The following EPB41L1 variants were observed in gnomAD, a reference collection of about 807,000 sequenced individuals.
The protein encoded by EPB41L1 is band 4.1-like protein 1.
EPB41L1 carries 29 observed loss-of-function variants against 97.8 expected under a neutral mutation model. The observed-to-expected ratio is 0.30, with a 90% confidence interval of 0.22 to 0.40. The LOEUF is 0.40. EPB41L1 is among the 10% of genes least tolerant of loss of function. The pLI, the probability that EPB41L1 is intolerant of heterozygous loss-of-function variation, is 1.00. For missense variants in EPB41L1, 812 were observed against 1,162.3 expected (o/e 0.70, Z 4.38); for synonymous variants, 383 against 459.2 (o/e 0.83, Z 2.12).
At chr20:36,126,983 TA>T (rs2058994660) in intron 2 of EPB41L1, among the ~76,000 whole-genome samples, 1 of 152,210 alleles carries the variant, frequency 6.6e-6, no homozygotes, top group Non-Finnish European at 1.5e-5. Flanking sequence ...GAGAGGAGGA[TA>T]GGGGTGATGA....
intron 2 of EPB41L1, among the ~76,000 whole-genome samples, chr20:36,114,905 G>A (rs1044302686): frequency 1.3e-5 from 2 of 152,098 alleles, no homozygotes; most frequent in African/African-American, 4.8e-5. Context: ...ACCAGACACC[G>A]GGGGAGTAGA....
intron 1 of EPB41L1, chr20:36,110,688 C>T (rs1358502919): frequency 1.3e-5 from 2 of 152,332 alleles, no homozygotes; most frequent in Middle Eastern, 6.8e-3. Context: ...GCATTTGTCC[C>T]TATTCCAGGT....
At chr20:36,102,971 T>C (rs993247326) in intron 1 of EPB41L1, among the ~76,000 whole-genome samples, 3 of 152,078 alleles carry the variant, frequency 2.0e-5, no homozygotes, top group African/African-American at 7.2e-5. Flanking sequence ...CTCCCTCTGT[T>C]CCTCCCTGCC....
intron 21 of EPB41L1, among the ~76,000 whole-genome samples, chr20:36,227,530 G>T (rs1229465306): frequency 6.6e-6 from 1 of 152,110 alleles, no homozygotes; most frequent in South Asian, 2.1e-4. Context: ...CTACAGAAGG[G>T]GCTCAGCAAG....
chr20:36,129,316 G>A (rs1034919643), intron 2 of EPB41L1, among the ~76,000 whole-genome samples: 2 of 152,124 alleles, frequency 1.3e-5, no homozygotes, highest in African/African-American at 2.4e-5. Flanking sequence ...GCTGGACTGC[G>A]GGGTGAATGG....
At chr20:36,153,032 G>A (rs1229619459), upstream of EPB41L1, 1 of 456,754 alleles carries the variant, frequency 2.2e-6, no homozygotes, top group Non-Finnish European at 4.4e-6. Flanking sequence ...TTCATCCGCT[G>A]CTGAACCTGG....
At chr20:36,123,852 A>G (rs2058851227) in intron 2 of EPB41L1, among the ~76,000 whole-genome samples, 1 of 152,272 alleles carries the variant, frequency 6.6e-6, no homozygotes, top group South Asian at 2.1e-4. Context: ...ACATTCAGTG[A>G]GCACCTATGT....
At chr20:36,101,441 G>C (rs1401934708) in intron 1 of EPB41L1, among the ~76,000 whole-genome samples, 1 of 152,062 alleles carries the variant, frequency 6.6e-6, no homozygotes. Flanking sequence ...CCATTATGTT[G>C]GTCAGCCTGG....
chr20:36,155,169 C>G, intron 1 of EPB41L1: 1 of 457,182 alleles, frequency 2.2e-6, no homozygotes, highest in Non-Finnish European at 4.4e-6. Flanking sequence ...TGGGCTCCCA[C>G]CGGCTGGCCC....
At chr20:36,120,175 TGA>T (rs2058708252) in intron 2 of EPB41L1, among the ~76,000 whole-genome samples, 1 of 152,220 alleles carries the variant, frequency 6.6e-6, no homozygotes, top group African/African-American at 2.4e-5. Flanking sequence ...TGGTTATAAG[TGA>T]TTCATTTCTG....
intron 2 of EPB41L1, among the ~76,000 whole-genome samples, chr20:36,114,267 G>C (rs187040769): frequency 1.3e-5 from 2 of 152,298 alleles, no homozygotes; most frequent in Admixed American, 1.3e-4. Context: ...AGCAGAACTT[G>C]TCTGGTTCTG....
intron 1 of EPB41L1, among the ~76,000 whole-genome samples, chr20:36,110,444 C>G (rs889315374): frequency 6.6e-6 from 1 of 152,186 alleles, no homozygotes; most frequent in Non-Finnish European, 1.5e-5. Flanking sequence ...GCCCTTCTCT[C>G]CTGCCCAGTC....
rs116696437 is a variant in EPB41L1, at chr20:36,167,308, G to A, written c.-14-6456G>A. Among the ~76,000 whole-genome samples, 1,405 of 152,250 alleles carry A rather than the reference G, an allele frequency of 9.2e-3. 23 individuals carry two copies. The highest frequency in any genetic ancestry group is 0.032 in the African/African-American group (1,342 of 41,522). On this transcript the variant is annotated intron_variant, in intron 1 of 21. Transcript: ENST00000338074. ...GGGGAGGGAATAGGGGACCAGTAGT[G>A]GTGGGAGCTGATGCTGAATAGATGG...
chr20:36,093,332 T>TGC lies in EPB41L1; in HGVS notation c.-65+1728_-65+1729dup, dbSNP rs1342552625. On this transcript the variant is annotated intron_variant, in intron 1 of 19. Coordinates refer to the EPB41L1 transcript ENST00000202028. This position sits in a 1 kb window ranked among gnomAD's most constrained non-coding sequence, Gnocchi z 5.4. ...CCTGTGGCGGGTGTGGGTGTGTGTG[T>TGC]GCGCGCGCGTCGCTGTGTGCGCGCC... is the stretch of plus-strand genomic sequence containing the variant. Among the ~76,000 whole-genome samples, 4 of 151,766 alleles carry TGC rather than the reference T, an allele frequency of 2.6e-5. No homozygotes were observed. Among genetic ancestry groups the TGC allele is most frequent in the Non-Finnish European group, 5.9e-5 (4 of 67,870 alleles).
intron 1 of EPB41L1, among the ~76,000 whole-genome samples, chr20:36,108,577 G>T (rs1351135234): frequency 6.6e-6 from 1 of 152,048 alleles, no homozygotes; most frequent in African/African-American, 2.4e-5. Flanking sequence ...GGGAAGCTGA[G>T]GCATGAGAAT....
intron 19 of EPB41L1, 70 bp downstream of exon 19, chr20:36,219,914 C>G: frequency 7.4e-7 from 1 of 1,353,414 alleles, no homozygotes; most frequent in Non-Finnish European, 1.1e-6. Flanking sequence ...TGTTGTTCTG[C>G]TTCGGCTTCG....
rs115223725 is a variant in EPB41L1, at chr20:36,227,222, C to T, written c.2638-2110C>T. 6.4e-3 allele frequency among the ~76,000 whole-genome samples: 972 copies of T among 151,934 alleles called. 10 individuals carry two copies. The highest frequency in any genetic ancestry group is 0.022 in the African/African-American group (905 of 41,434). On this transcript the variant is annotated intron_variant, in intron 21 of 21. Coordinates refer to ENST00000338074, the MANE Select transcript of EPB41L1 (RefSeq NM_012156.2). ...GTCCCAGCTACTTGGGAAGTTGAAGCGGGAGGATTGCTTGAGTCCAGGAGG... is the reference window on the plus strand; with the variant it reads ...GTCCCAGCTACTTGGGAAGTTGAAGTGGGAGGATTGCTTGAGTCCAGGAGG...
chr20:36,173,653 T>C (rs2061091639), intron 1 of EPB41L1, 111 bp from the exon 2 acceptor site: 2 of 964,276 alleles, frequency 2.1e-6, no homozygotes, highest in South Asian at 2.6e-5. Flanking sequence ...GCCCTGTGAC[T>C]CTTTGTCCGT....
At chr20:36,120,215 C>T (rs919686435) in intron 2 of EPB41L1, among the ~76,000 whole-genome samples, 2 of 152,194 alleles carry the variant, frequency 1.3e-5, no homozygotes, top group Non-Finnish European at 2.9e-5. Context: ...TAATCCTCAT[C>T]CTAAGAAATG....
Sources: gnomAD v4.1 joint callset for allele counts (sites outside exome capture counted in the v4.1 genomes callset) on GRCh38, gnomAD v4.1.1 for gene constraint, Gnocchi (gnomAD v3.1) non-coding constraint, MANE v1.5 for transcripts, NCBI Gene and HGNC (gene_info 2026-07-23, HGNC 2026-07-21) for gene names.